FOXK2: variants seen among roughly 807,000 people sequenced by gnomAD.
FOXK2 encodes forkhead box protein K2.
In FOXK2, 24 loss-of-function variants were observed where a neutral mutation model predicts 53.3. The observed-to-expected ratio is 0.45, with a 90% confidence interval of 0.33 to 0.63. The LOEUF (loss-of-function observed/expected upper bound fraction) is 0.63, where lower values mean the gene tolerates loss of function less well. Among genes scored for constraint, FOXK2 ranks in the 30% least tolerant of loss-of-function variants. The pLI is 0.03. For synonymous variants in FOXK2, 505 were observed against 407.1 expected, an observed-to-expected ratio of 1.24 and a Z score of -2.89; for missense variants, 952 against 910.5, an observed-to-expected ratio of 1.05 and a Z score of -0.59.
chr17:82,572,719 GTAAC>G (rs1438477002), intron 4 of FOXK2, among the ~76,000 whole-genome samples: 7 of 152,200 alleles, frequency 4.6e-5, no homozygotes, highest in Admixed American at 4.6e-4. Context: ...AATTCATTAA[GTAAC>G]CAGGAACATC....
At chr17:82,529,782 G>T (rs2044455595) in intron 1 of FOXK2, among the ~76,000 whole-genome samples, 1 of 152,198 alleles carries the variant, frequency 6.6e-6, no homozygotes, top group African/African-American at 2.4e-5. Flanking sequence ...GACACTCTCG[G>T]AATGCAGTTC....
chr17:82,530,592 C>T (rs1433173754), intron 1 of FOXK2, among the ~76,000 whole-genome samples: 1 of 147,998 alleles, frequency 6.8e-6, no homozygotes, highest in African/African-American at 2.5e-5. Flanking sequence ...CTCACTGCAA[C>T]GTCCTCCTCC....
chr17:82,587,150 A>C lies in FOXK2; in HGVS notation c.1664A>C (p.Gln555Pro), dbSNP rs376177489. The C allele has an allele frequency of 5.0e-6, 8 of 1,613,038 alleles. No individual in the cohort carries two copies. In the African/African-American group the frequency reaches 1.1e-4, roughly 22 times the overall value. ...CAGACGGCACAGACCACCCCGGTCC[A>C]GACGGTGACCATAGTACAACAGGCA... ...IIQTAQTTPV[Q>P]TVTIVQQAPL... is the part of the protein sequence containing the mutation. Residue 555 changes from glutamine (Q) to proline (P), a missense_variant, in exon 8 of 9, where the codon CAG becomes CCG. Transcript: ENST00000335255.
intron 1 of FOXK2, among the ~76,000 whole-genome samples, chr17:82,551,395 G>T (rs1426090756): frequency 6.6e-6 from 1 of 151,862 alleles, no homozygotes; most frequent in African/African-American, 2.4e-5. Flanking sequence ...GTTAAAGCTG[G>T]CCAGGCACGG....
chr17:82,602,387 C>T lies in FOXK2; in HGVS notation c.*888C>T, dbSNP rs2045396265. ...TTCCACTCTGAGTAAAACAAGTCTC[C>T]TAAGTATTGTGTATGTTTAAAACGA... On this transcript the variant is annotated 3_prime_UTR_variant, in exon 9 of 9. Coordinates refer to ENST00000335255, the MANE Select transcript of FOXK2 (RefSeq NM_004514.4). The T allele has an allele frequency of 6.6e-6, 1 of 152,206 alleles. No individual in the cohort carries two copies. Among genetic ancestry groups the T allele is most frequent in the Non-Finnish European group, 1.5e-5 (1 of 68,034 alleles). The allele number at this position is 152,206 out of a possible 1,614,324, so 9.4% of individuals were successfully genotyped here.
intron 1 of FOXK2, among the ~76,000 whole-genome samples, chr17:82,530,067 C>T (rs530759608): frequency 9.9e-5 from 15 of 152,278 alleles, no homozygotes; most frequent in African/African-American, 3.4e-4. Flanking sequence ...GATGATGTGA[C>T]GTCATTGTTA....
intron 8 of FOXK2, chr17:82,594,083 C>G (rs2045284155): frequency 6.6e-6 from 1 of 152,330 alleles, no homozygotes; most frequent in African/African-American, 2.4e-5. Context: ...ATAGGGTCTT[C>G]TGATGCTTCC....
chr17:82,536,940 C>T lies in FOXK2; in HGVS notation c.419+16633C>T, dbSNP rs752508400. On this transcript the variant is annotated intron_variant, in intron 1 of 8. Transcript: ENST00000335255. ...CTTAGGCAAAACAGAAGAGGAGTGCCTTGTGTCAGTCAGACTCCAGACACA... is the reference window on the plus strand; with the variant it reads ...CTTAGGCAAAACAGAAGAGGAGTGCTTTGTGTCAGTCAGACTCCAGACACA... 2.8e-4 allele frequency among the ~76,000 whole-genome samples: 42 copies of T among 152,300 alleles called. 1 individual carries two copies. Among genetic ancestry groups the T allele is most frequent in the South Asian group, 1.2e-3 (6 of 4,830 alleles).
Position 82,533,458 on chromosome 17 carries a change from C to A in FOXK2, c.419+13151C>A, listed in dbSNP as rs138095582. Among the ~76,000 whole-genome samples the A allele has an allele frequency of 3.5e-3, 535 of 151,780 alleles. 4 individuals carry two copies. Among genetic ancestry groups the A allele is most frequent in the African/African-American group, 0.012 (514 of 41,376 alleles). ...TGAGCCGAGACCGTGCCACTGCACT[C>A]CAGCCTGGGTGATGGAGTGAGACTT... On this transcript the variant is annotated intron_variant, in intron 1 of 8. Coordinates refer to ENST00000335255, the MANE Select transcript of FOXK2 (RefSeq NM_004514.4).
Position 82,601,714 on chromosome 17 carries a change from C to T in FOXK2, c.*215C>T. ...CAAAACCTGATTTGGGAGACGGTGT[C>T]TCCACTGAGCACCTGCTGGGCTGAG... On this transcript the variant is annotated 3_prime_UTR_variant, in exon 9 of 9. Transcript: ENST00000335255. The T allele has an allele frequency of 2.0e-6, 1 of 503,644 alleles. No individual in the cohort carries two copies. The highest frequency in any genetic ancestry group is 3.0e-5 in the South Asian group (1 of 33,008). 31.2% of individuals were successfully genotyped at this position (503,644 alleles called of 1,614,324 possible).
rs1242327539 is a variant in FOXK2, at chr17:82,584,085, C to T, written c.1176C>T (p.Ser392=). 6.2e-7 allele frequency: 1 copy of T among 1,611,832 alleles called. No homozygotes were observed. Among genetic ancestry groups the T allele is most frequent in the Non-Finnish European group, 8.5e-7 (1 of 1,179,908 alleles). Residue 392 remains serine, a synonymous_variant, in exon 6 of 9, where the codon AGC becomes AGT. Transcript: ENST00000335255. ...CTAGTGGCGCCCAGACCCCTGAGAG[C>T]CTGTCGAGGGAAGGTTCGCCGGCCC... ...AHSSGAQTPE[S]LSREGSPAPL...
intron 2 of FOXK2, among the ~76,000 whole-genome samples, chr17:82,567,824 A>G (rs1486297438): frequency 6.6e-6 from 1 of 152,076 alleles, no homozygotes; most frequent in African/African-American, 2.4e-5. Flanking sequence ...ACGTTTATAG[A>G]AGCAAATACC....
rs559946429 is a variant in FOXK2 at position 82,547,227 on chromosome 17, C to T, written c.420-16127C>T. Reference sequence around the variant, plus strand: ...ATTCAGGGTGTAGTATTGTGGTTCACATTGTAGTATTGTGGTTCTCCATTG... The same window carrying T: ...ATTCAGGGTGTAGTATTGTGGTTCATATTGTAGTATTGTGGTTCTCCATTG... On this transcript the variant is annotated intron_variant, in intron 1 of 8. Transcript: ENST00000335255. Among the ~76,000 whole-genome samples the T allele has an allele frequency of 2.4e-4, 37 of 152,270 alleles. No individual in the cohort carries two copies. In the Middle Eastern group the frequency reaches 0.01, roughly 42 times the overall value.
At chr17:82,520,583 A>G (rs1264693435) in intron 1 of FOXK2, among the ~76,000 whole-genome samples, 1 of 152,180 alleles carries the variant, frequency 6.6e-6, no homozygotes, top group Non-Finnish European at 1.5e-5. Context: ...CGCGCGGGTC[A>G]AGGTTTCTGG....
intron 1 of FOXK2, among the ~76,000 whole-genome samples, chr17:82,562,350 G>A (rs1161899523): frequency 6.6e-6 from 1 of 152,244 alleles, no homozygotes; most frequent in Non-Finnish European, 1.5e-5. Context: ...GGAAGCCGAG[G>A]TGGGCGGATC....
At chr17:82,563,278 G>A (rs2044816685) in intron 1 of FOXK2, 76 bp from the exon 2 acceptor site, 1 of 1,391,050 alleles carries the variant, frequency 7.2e-7, no homozygotes, top group African/African-American at 1.4e-5. Flanking sequence ...CTCCAGTGTT[G>A]TGGGGACATG....
chr17:82,529,007 C>A (rs900097554), intron 1 of FOXK2, among the ~76,000 whole-genome samples: 1 of 152,064 alleles, frequency 6.6e-6, no homozygotes, highest in Non-Finnish European at 1.5e-5. Flanking sequence ...GGACAGAGGC[C>A]AGGGATGCCA....
intron 1 of FOXK2, among the ~76,000 whole-genome samples, chr17:82,562,193 A>T (rs1294679675): frequency 6.6e-6 from 1 of 152,200 alleles, no homozygotes; most frequent in East Asian, 1.9e-4. Context: ...TGTGAACCAG[A>T]GTGTTCACTG....
intron 1 of FOXK2, among the ~76,000 whole-genome samples, chr17:82,547,744 C>G (rs1478253112): frequency 2.6e-5 from 4 of 151,990 alleles, no homozygotes; most frequent in Non-Finnish European, 5.9e-5. Context: ...CAGATATTAC[C>G]CCTCACCCCA....
Sources: allele counts gnomAD v4.1 joint callset (sites outside exome capture counted in the v4.1 genomes callset), GRCh38; gene constraint gnomAD v4.1.1; transcripts MANE v1.5; gene names NCBI Gene and HGNC (gene_info 2026-07-23, HGNC 2026-07-21).